SLC12A7: variants seen among roughly 807,000 people sequenced by gnomAD.
SLC12A7 encodes K-Cl cotransporter 4.
A neutral mutation model predicts 120.6 loss-of-function variants in SLC12A7; 100 were observed. The observed-to-expected ratio is 0.83, with a 90% CI of 0.71 to 0.98. SLC12A7 has a LOEUF of 0.98. Among genes scored for constraint, SLC12A7 ranks in the 50% least tolerant of loss-of-function variants. SLC12A7 has a pLI of 0.00. For missense variants in SLC12A7, 1,373 were observed against 1,548.1 expected (o/e 0.89, Z 1.90); for synonymous variants, 760 against 678.0 (o/e 1.12, Z -1.88).
At chr5:1,085,744 G>A (rs914540808) in intron 6 of SLC12A7, among the ~76,000 whole-genome samples, 1 of 152,146 alleles carries the variant, frequency 6.6e-6, no homozygotes, top group Admixed American at 6.5e-5. Context: ...ACAGGCCATG[G>A]ACAGCCAGGG....
upstream of SLC12A7, among the ~76,000 whole-genome samples, chr5:1,115,975 T>G (rs923321724): frequency 1.4e-5 from 2 of 147,374 alleles, no homozygotes; most frequent in African/African-American, 5.2e-5. Context: ...CCTGGCAGGG[T>G]GGGGTATGTG....
chr5:1,058,870 T>C (rs1286762471), intron 21 of SLC12A7, among the ~76,000 whole-genome samples: 2 of 130,724 alleles, frequency 1.5e-5, no homozygotes, highest in African/African-American at 2.8e-5. Context: ...CCACCCAGCG[T>C]CTGCACAGCA....
rs758654222 is a variant in SLC12A7, at chr5:1,111,932, C to A, written c.60G>T (p.Glu20Asp). 1.6e-6 allele frequency: 2 copies of A among 1,286,060 alleles called. No individual in the cohort carries two copies. The highest frequency in any genetic ancestry group is 3.3e-5 in the Admixed American group (1 of 30,018). 79.7% of individuals were successfully genotyped at this position (1,286,060 alleles called of 1,614,324 possible). The change falls in exon 1 of 24, where the codon GAG becomes GAT. Residue 20 changes from glutamate to aspartate, a missense_variant. Transcript: ENST00000264930. ...VEAHADGGGD[E>D]TAERTEAPGT... ...CCGGAGCCTCCGTCCGCTCGGCAGT[C>A]TCGTCCCCGCCGCCGTCGGCGTGAG...
intron 11 of SLC12A7, among the ~76,000 whole-genome samples, chr5:1,078,260 A>T (rs1738596378): frequency 6.6e-6 from 1 of 151,822 alleles, no homozygotes; most frequent in Non-Finnish European, 1.5e-5. Context: ...AGCAGGGAAG[A>T]CCCAGCCTGG....
intron 1 of SLC12A7, among the ~76,000 whole-genome samples, chr5:1,105,885 C>G (rs1489432730): frequency 6.6e-6 from 1 of 152,206 alleles, no homozygotes; most frequent in Non-Finnish European, 1.5e-5. Flanking sequence ...CCACGCCCAG[C>G]CCCACTGGGC....
At position 1,111,873 on chromosome 5, in the gene SLC12A7, C is replaced by A; in HGVS notation, c.119G>T (p.Ser40Ile). The A allele has an allele frequency of 2.5e-6, 3 of 1,218,358 alleles. No individual in the cohort carries two copies. The highest frequency in any genetic ancestry group is 3.1e-6 in the Non-Finnish European group (3 of 978,466). The allele number at this position is 1,218,358 out of a possible 1,614,324, so 75.5% of individuals were successfully genotyped here. A position where few individuals can be genotyped will look rare whatever the true frequency, so the allele number is the denominator to read the frequency against. The change falls in exon 1 of 24, where the codon AGC becomes ATC. Residue 40 changes from serine to isoleucine, a missense_variant. By Grantham distance (142) the Ser-to-Ile change is moderately radical. Transcript: ENST00000264930. ...TPEGPEPERP[S>I]PGDGNPRENS... ...CCAGGTGCGGCCGCGCTCACCCGGG[C>A]TGGGGCGCTCGGGCTCGGGGCCCTC...
the SLC12A7 span, among the ~76,000 whole-genome samples, chr5:1,132,312 C>G: frequency 1.3e-5 from 2 of 152,190 alleles, no homozygotes; most frequent in Non-Finnish European, 1.5e-5. Context: ...ATTTTGCACC[C>G]CTTTCCTGGA....
At chr5:1,065,230 AGGACACAGAGG>A (rs1736908826) in intron 18 of SLC12A7, 42 bp downstream of exon 18, 5 of 1,310,902 alleles carry the variant, frequency 3.8e-6, no homozygotes, top group Non-Finnish European at 5.2e-6. Flanking sequence ...GGACACTGAG[AGGACACAGAGG>A]GGACGGTGAG....
chr5:1,138,933 C>T, the SLC12A7 span, among the ~76,000 whole-genome samples: 1 of 152,314 alleles, frequency 6.6e-6, no homozygotes, highest in East Asian at 1.9e-4. Flanking sequence ...TGAGGTGAGC[C>T]GGGGATACTC....
chr5:1,087,935 C>A (rs889339939), intron 5 of SLC12A7, among the ~76,000 whole-genome samples: 2 of 152,166 alleles, frequency 1.3e-5, no homozygotes, highest in African/African-American at 4.8e-5. Context: ...TTAACAAGGT[C>A]AGGGCAGTGT....
Position 1,089,124 on chromosome 5 carries a change from G to A in SLC12A7, c.347C>T (p.Pro116Leu), listed in dbSNP as rs778796256. Residue 116 changes from proline (P) to leucine (L), a missense_variant, in exon 4 of 24, where the codon CCG becomes CTG. Pro to Leu is a moderately conservative substitution (Grantham distance 98). Transcript: ENST00000264930. The stretch of plus-strand genomic sequence containing the variant: ...GACGCCGATGAAGGTGCCCATGCGC[G>A]GAGCCTGCGACAGAGCATAGCGTGT... ...EESRRREAKAPRMGTFIGVYL... is the reference protein window; with the variant it reads ...EESRRREAKALRMGTFIGVYL... 1.4e-5 allele frequency: 23 copies of A among 1,612,384 alleles called. No homozygotes were observed. In the South Asian group the frequency reaches 2.1e-4, roughly 15 times the overall value.
At chr5:1,060,630 C>T (rs1488748453) in intron 20 of SLC12A7, among the ~76,000 whole-genome samples, 179 bp from the exon 21 acceptor site, 4 of 152,196 alleles carry the variant, frequency 2.6e-5, no homozygotes, top group African/African-American at 7.2e-5. Context: ...AAGGTGTGAG[C>T]GCACGATGGG....
At chr5:1,113,556 C>T (rs753398106), upstream of SLC12A7, among the ~76,000 whole-genome samples, 9 of 152,140 alleles carry the variant, frequency 5.9e-5, no homozygotes, top group Non-Finnish European at 1.2e-4. Flanking sequence ...GTTCCTCTGG[C>T]CTGGGTGTCT....
the SLC12A7 span, among the ~76,000 whole-genome samples, chr5:1,146,945 C>T: frequency 6.6e-6 from 1 of 152,292 alleles, no homozygotes; most frequent in African/African-American, 2.4e-5. This position sits in a 1 kb window ranked among gnomAD's most constrained non-coding sequence, Gnocchi z 6.5. Context: ...GCCCACCTCC[C>T]GAGGGCCGTG....
At chr5:1,099,830 G>A (rs557806529) in intron 1 of SLC12A7, among the ~76,000 whole-genome samples, 3 of 152,300 alleles carry the variant, frequency 2.0e-5, no homozygotes, top group African/African-American at 7.2e-5. Flanking sequence ...TAAAACCAGC[G>A]ATAGGAACGG....
intron 1 of SLC12A7, among the ~76,000 whole-genome samples, chr5:1,095,597 C>T (rs944663539): frequency 6.6e-6 from 1 of 152,214 alleles, no homozygotes; most frequent in African/African-American, 2.4e-5. Context: ...CCTGAGGGTG[C>T]AGAAGAAACG....
intron 17 of SLC12A7, among the ~76,000 whole-genome samples, chr5:1,068,697 G>A (rs1442977032): frequency 6.6e-6 from 1 of 152,252 alleles, no homozygotes; most frequent in Non-Finnish European, 1.5e-5. Context: ...CCTGTCTGAG[G>A]CTGCCCCAGA....
chr5:1,150,492 C>T, the SLC12A7 span, among the ~76,000 whole-genome samples: 29,429 of 152,186 alleles, frequency 0.19, 2,963 homozygotes, highest in East Asian at 0.28. Flanking sequence ...GGATCTCTTC[C>T]GAATATTCAA....
At chr5:1,125,243 G>A in the SLC12A7 span, among the ~76,000 whole-genome samples, 17 of 149,314 alleles carry the variant, frequency 1.1e-4, no homozygotes, top group African/African-American at 3.8e-4. Context: ...AGCCGTGATC[G>A]GAATGAGATA....
Sources: gnomAD v4.1 joint callset for allele counts (sites outside exome capture counted in the v4.1 genomes callset) on GRCh38, gnomAD v4.1.1 for gene constraint, Gnocchi (gnomAD v3.1) non-coding constraint, MANE v1.5 for transcripts, NCBI Gene and HGNC (gene_info 2026-07-23, HGNC 2026-07-21) for gene names.